KLHL4: variants seen among roughly 807,000 people sequenced by gnomAD.
KLHL4 encodes the protein kelch-like protein 4.
Under a neutral mutation model 45.8 loss-of-function variants are expected in KLHL4, and 17 were observed. The observed-to-expected ratio is 0.37, with a 90% confidence interval of 0.25 to 0.56. The LOEUF (loss-of-function observed/expected upper bound fraction) is 0.56. KLHL4 is among the 20% of genes least tolerant of loss of function. The pLI is 0.79. For missense variants in KLHL4, 544 were observed against 544.9 expected, an observed-to-expected ratio of 1.00 and a Z score of 0.02; for synonymous variants, 224 against 189.9, an observed-to-expected ratio of 1.18 and a Z score of -1.47.
chrX:87,600,906 G>A (rs1921996915), intron 1 of KLHL4, among the ~76,000 whole-genome samples: 1 of 111,704 alleles, frequency 9.0e-6, no homozygotes, highest in Non-Finnish European at 1.9e-5. Flanking sequence ...AGCATCCAAC[G>A]TTTCAGTTAG....
Position 87,588,785 on chromosome X carries a change from A to G in KLHL4, c.423-25092A>G, listed in dbSNP as rs1197639164. ...CTCCACAAGCACAGGCAACCAAAAG[A>G]AGAAGAAGAAGGAGAAGGAGAAGGA... On this transcript the variant is annotated intron_variant, in intron 1 of 10. Coordinates refer to ENST00000373119, the MANE Select transcript of KLHL4 (RefSeq NM_019117.5). 2.7e-5 allele frequency among the ~76,000 whole-genome samples: 3 copies of G among 109,629 alleles called. No individual in the cohort carries two copies. The Admixed American group carries it at 2.9e-4, about 11-fold the overall frequency.
intron 1 of KLHL4, among the ~76,000 whole-genome samples, chrX:87,599,695 G>A (rs1164406140): frequency 9.0e-6 from 1 of 111,002 alleles, no homozygotes; most frequent in Non-Finnish European, 1.9e-5. Flanking sequence ...CCAAACACAG[G>A]CTTGGAGGAT....
rs1279226123 is a variant in KLHL4 at position 87,617,915 on chromosome X, T to C, written c.728-17T>C. On this transcript the variant is annotated splice_polypyrimidine_tract_variant and intron_variant, in intron 3 of 10. Coordinates refer to ENST00000373119, the MANE Select transcript of KLHL4 (RefSeq NM_019117.5). ...TATGGAACTTATAATCATTCTTTGC[T>C]TTTTCAAACCATCTAGGAGTCCTGC... is the stretch of plus-strand genomic sequence containing the variant. 1.7e-6 allele frequency: 2 copies of C among 1,169,841 alleles called. No homozygotes were observed. The highest frequency in any genetic ancestry group is 2.3e-6 in the Non-Finnish European group (2 of 871,949).
rs928313018 is a variant in KLHL4, at chrX:87,667,130, C to T, written c.*596C>T. The T allele has an allele frequency of 1.7e-5, 13 of 750,061 alleles. No homozygotes were observed. The African/African-American group carries it at 1.9e-4, about 11-fold the overall frequency. 61.8% of individuals were successfully genotyped at this position (750,061 alleles called of 1,213,427 possible). A position where few individuals can be genotyped will look rare whatever the true frequency, so the allele number is the denominator to read the frequency against. On this transcript the variant is annotated 3_prime_UTR_variant, in exon 11 of 11. Transcript: ENST00000373119. ...CTTTGACAAAACTTGTTATGTTGAT[C>T]GCGGTATGTCAAAATTTTTACAGGT...
intron 1 of KLHL4, among the ~76,000 whole-genome samples, chrX:87,557,809 T>A (rs1932011860): frequency 9.0e-6 from 1 of 111,627 alleles, no homozygotes; most frequent in South Asian, 3.7e-4. Flanking sequence ...GATATAAATT[T>A]GAATTAGGAA....
At chrX:87,646,068 A>T (rs1923621134) in intron 9 of KLHL4, among the ~76,000 whole-genome samples, 1 of 111,549 alleles carries the variant, frequency 9.0e-6, no homozygotes. Context: ...TAATATACAC[A>T]AATCTGTAGC....
chrX:87,545,801 GATA>G (rs1460990695), intron 1 of KLHL4, among the ~76,000 whole-genome samples: 7 of 111,522 alleles, frequency 6.3e-5, no homozygotes, highest in Admixed American at 5.7e-4. Context: ...CCAAAATGCT[GATA>G]GTAATGTGAG....
At chrX:87,607,132 T>A (rs1447082958) in intron 1 of KLHL4, among the ~76,000 whole-genome samples, 4 of 111,552 alleles carry the variant, frequency 3.6e-5, no homozygotes, top group Admixed American at 9.6e-5. Flanking sequence ...TGGCCTATCA[T>A]ATATATTTTC....
intron 6 of KLHL4, among the ~76,000 whole-genome samples, chrX:87,629,102 A>G (rs1260798652): frequency 8.9e-6 from 1 of 111,861 alleles, no homozygotes; most frequent in Non-Finnish European, 1.9e-5. Context: ...CATCAGATAT[A>G]TTCACTACTG....
chrX:87,526,550 C>T (rs1200013773), intron 1 of KLHL4, among the ~76,000 whole-genome samples: 1 of 111,681 alleles, frequency 9.0e-6, no homozygotes, highest in African/African-American at 3.3e-5. Context: ...TCTTTCTGGC[C>T]AGAAAAATCT....
intron 3 of KLHL4, among the ~76,000 whole-genome samples, chrX:87,617,544 A>T (rs907025481): frequency 1.8e-5 from 2 of 111,992 alleles, no homozygotes; most frequent in Non-Finnish European, 3.8e-5. Context: ...TCAACTTTAT[A>T]CAGGTATGAT....
chrX:87,649,109 T>C (rs907550680), intron 9 of KLHL4, among the ~76,000 whole-genome samples: 5 of 111,614 alleles, frequency 4.5e-5, no homozygotes, highest in African/African-American at 1.6e-4. Flanking sequence ...GTTTTGCAAA[T>C]ATCACTACCA....
At chrX:87,597,668 C>T (rs187163278) in intron 1 of KLHL4, among the ~76,000 whole-genome samples, 4 of 111,236 alleles carry the variant, frequency 3.6e-5, no homozygotes, top group South Asian at 7.6e-4. Context: ...TGTTTTTCTG[C>T]GTGTAGAAAC....
At chrX:87,590,851 T>C (rs901235350) in intron 1 of KLHL4, among the ~76,000 whole-genome samples, 3 of 111,853 alleles carry the variant, frequency 2.7e-5, no homozygotes, top group Non-Finnish European at 5.7e-5. Context: ...CTGAATAACA[T>C]TCCATTGTGT....
At chrX:87,651,471 A>C (rs1345488096) in intron 9 of KLHL4, among the ~76,000 whole-genome samples, 1 of 112,605 alleles carries the variant, frequency 8.9e-6, no homozygotes. Flanking sequence ...AATCAAAAGC[A>C]AGTTAGTTAC....
chrX:87,636,100 T>A lies in KLHL4; in HGVS notation c.1925+325T>A, dbSNP rs749425616. 1.2e-4 allele frequency among the ~76,000 whole-genome samples: 13 copies of A among 112,347 alleles called. No homozygotes were observed. In the South Asian group the frequency reaches 4.4e-3, roughly 38 times the overall value. On this transcript the variant is annotated intron_variant, in intron 9 of 10. Coordinates refer to ENST00000373119, the MANE Select transcript of KLHL4 (RefSeq NM_019117.5). ...GTAGTCTTCCAATAAATGCTAATCC[T>A]TGTAGTGGATTTATCTTCTGTACAA...
intron 1 of KLHL4, among the ~76,000 whole-genome samples, chrX:87,572,407 G>GCT (rs1398612548): frequency 9.1e-6 from 1 of 110,356 alleles, no homozygotes; most frequent in African/African-American, 3.3e-5. Context: ...TCTGAAAAGA[G>GCT]CTCTCTCTCT....
chrX:87,546,839 T>A (rs751919937), intron 1 of KLHL4, among the ~76,000 whole-genome samples: 1 of 112,947 alleles, frequency 8.9e-6, no homozygotes, highest in Admixed American at 9.3e-5. Flanking sequence ...GCTTTAAGGT[T>A]TAATGACTGC....
chrX:87,611,857 A>G (rs1175078058), intron 1 of KLHL4, among the ~76,000 whole-genome samples: 3 of 111,159 alleles, frequency 2.7e-5, no homozygotes, highest in African/African-American at 9.8e-5. Flanking sequence ...CAAGAAGTGG[A>G]GGCAGAAGAC....
Sources: allele counts gnomAD v4.1 joint callset (sites outside exome capture counted in the v4.1 genomes callset), GRCh38; gene constraint gnomAD v4.1.1; transcripts MANE v1.5; gene names NCBI Gene and HGNC (gene_info 2026-07-23, HGNC 2026-07-21).